TENM2: variants seen among roughly 807,000 people sequenced by gnomAD.
TENM2 encodes the protein teneurin-2.
A neutral mutation model predicts 245.2 loss-of-function variants in TENM2; 52 were observed. That is an observed-to-expected ratio of 0.21 (90% CI 0.17 to 0.27). The LOEUF (loss-of-function observed/expected upper bound fraction) is 0.27, where lower values mean the gene tolerates loss of function less well. Among genes scored for constraint, TENM2 ranks in the 10% least tolerant of loss-of-function variants. TENM2 has a pLI of 1.00. For missense variants in TENM2, 3,046 were observed against 3,666.8 expected (o/e 0.83, Z 4.37); for synonymous variants, 1,363 against 1,438.9 (o/e 0.95, Z 1.19).
chr5:167,109,212 C>T, the TENM2 span, among the ~76,000 whole-genome samples: 3 of 151,258 alleles, frequency 2.0e-5, no homozygotes, highest in African/African-American at 7.3e-5. Flanking sequence ...GCAAATAGAA[C>T]ACTTTTAAAA....
chr5:166,992,346 T>A, the TENM2 span, among the ~76,000 whole-genome samples: 441 of 152,326 alleles, frequency 2.9e-3, 2 homozygotes, highest in African/African-American at 0.01. Context: ...GTATTTTTTG[T>A]TGTTGTCAGA....
At chr5:168,126,041 G>T (rs967376908) in intron 11 of TENM2, among the ~76,000 whole-genome samples, 1 of 152,220 alleles carries the variant, frequency 6.6e-6, no homozygotes, top group Non-Finnish European at 1.5e-5. Flanking sequence ...TTGTCCTCGC[G>T]TGAGAGGTCT....
At chr5:167,474,354 G>A (rs1478270596) in intron 2 of TENM2, among the ~76,000 whole-genome samples, 3 of 152,112 alleles carry the variant, frequency 2.0e-5, no homozygotes, top group Admixed American at 1.3e-4. Flanking sequence ...CTTCACCTCA[G>A]TCTGAGGGTT....
chr5:167,437,948 C>A (rs1181401538), intron 2 of TENM2, among the ~76,000 whole-genome samples: 5 of 152,180 alleles, frequency 3.3e-5, no homozygotes, highest in Non-Finnish European at 7.3e-5. Flanking sequence ...TGAAAACCAA[C>A]TAATACAGAT....
chr5:167,969,973 C>T (rs984463078), intron 4 of TENM2, among the ~76,000 whole-genome samples: 1 of 152,098 alleles, frequency 6.6e-6, no homozygotes, highest in African/African-American at 2.4e-5. Context: ...TATTAGGAGA[C>T]CCTGAAATGG....
At chr5:167,069,604 A>G in the TENM2 span, among the ~76,000 whole-genome samples, 7 of 152,298 alleles carry the variant, frequency 4.6e-5, no homozygotes, top group East Asian at 1.9e-4. Flanking sequence ...ATAAAAATCA[A>G]TGTATAGCAT....
the TENM2 span, among the ~76,000 whole-genome samples, chr5:167,135,972 G>A: frequency 6.6e-6 from 1 of 152,132 alleles, no homozygotes; most frequent in African/African-American, 2.4e-5. Flanking sequence ...CGTTTTTAAT[G>A]GGACACATAA....
intron 6 of TENM2, 57 bp from the exon 9 acceptor site, chr5:168,062,003 G>T: frequency 1.4e-6 from 2 of 1,445,478 alleles, no homozygotes; most frequent in Non-Finnish European, 1.9e-6. Context: ...AACAAATATA[G>T]AGCCAACTAA....
At chr5:167,505,568 G>T (rs557959679) in intron 2 of TENM2, among the ~76,000 whole-genome samples, 19 of 152,286 alleles carry the variant, frequency 1.2e-4, no homozygotes, top group Admixed American at 9.8e-4. Context: ...TAAACTTGTT[G>T]TTTTAAAATA....
chr5:167,775,683 C>A (rs997576747), intron 2 of TENM2, among the ~76,000 whole-genome samples: 16 of 151,434 alleles, frequency 1.1e-4, no homozygotes, highest in African/African-American at 3.9e-4. Context: ...TCAGTGTTCT[C>A]GGATTAAAAA....
intron 2 of TENM2, among the ~76,000 whole-genome samples, chr5:167,865,341 A>G (rs953881750): frequency 2.0e-5 from 3 of 151,904 alleles, no homozygotes; most frequent in African/African-American, 7.3e-5. Flanking sequence ...TGGCACATTC[A>G]GGGCTCACTG....
chr5:168,074,944 T>A (rs1362821798), intron 7 of TENM2, among the ~76,000 whole-genome samples: 1 of 152,226 alleles, frequency 6.6e-6, no homozygotes, highest in Non-Finnish European at 1.5e-5. Context: ...CTTTTAAAAA[T>A]TTATTTCAAC....
chr5:167,068,115 G>T, the TENM2 span, among the ~76,000 whole-genome samples: 1 of 152,186 alleles, frequency 6.6e-6, no homozygotes, highest in Admixed American at 6.5e-5. Flanking sequence ...AGGAAGAGTT[G>T]TATTTTAGGC....
chr5:167,355,645 A>C (rs1246306251), intron 1 of TENM2, among the ~76,000 whole-genome samples: 1 of 152,144 alleles, frequency 6.6e-6, no homozygotes, highest in African/African-American at 2.4e-5. Flanking sequence ...AAGCAAAGCT[A>C]TTTTAATAAG....
chr5:168,227,967 T>C, exon 25 of TENM2: 1 of 1,613,772 alleles, frequency 6.2e-7, no homozygotes, highest in African/African-American at 1.3e-5. Flanking sequence ...GGGATGGGTA[T>C]CAGCTTCCAC....
At chr5:167,486,189 T>G (rs561227623) in intron 2 of TENM2, among the ~76,000 whole-genome samples, 1 of 152,234 alleles carries the variant, frequency 6.6e-6, no homozygotes, top group East Asian at 1.9e-4. Context: ...TAAGCATACA[T>G]AGAACATCTG....
At chr5:167,825,138 G>A (rs1371212375) in intron 2 of TENM2, among the ~76,000 whole-genome samples, 1 of 152,172 alleles carries the variant, frequency 6.6e-6, no homozygotes, top group East Asian at 1.9e-4. Context: ...TTGTGTAATG[G>A]TGGGTGTGTT....
At chr5:167,904,379 T>C (rs1775931964) in intron 3 of TENM2, among the ~76,000 whole-genome samples, 1 of 152,192 alleles carries the variant, frequency 6.6e-6, no homozygotes, top group Non-Finnish European at 1.5e-5. Context: ...GGGATAAAGA[T>C]AGTACAACAC....
intron 18 of TENM2, 95 bp from the exon 21 acceptor site, chr5:168,204,277 T>G (rs1247001969): frequency 1.5e-6 from 2 of 1,349,846 alleles, no homozygotes; most frequent in Non-Finnish European, 2.0e-6. Flanking sequence ...CACTGAAGAT[T>G]CCTAATTTGT....
Sources: gnomAD v4.1 joint callset for allele counts (sites outside exome capture counted in the v4.1 genomes callset) on GRCh38, gnomAD v4.1.1 for gene constraint, MANE v1.5 for transcripts, NCBI Gene and HGNC (gene_info 2026-07-23, HGNC 2026-07-21) for gene names.